Variants in OR8K5 observed in about 807,000 individuals in gnomAD.
OR8K5 encodes olfactory receptor family 8 subfamily K member 5.
For missense variants in OR8K5, 433 were observed against 363.9 expected, an observed-to-expected ratio of 1.19 and a Z score of -1.54; for synonymous variants, 154 against 133.7, an observed-to-expected ratio of 1.15 and a Z score of -1.05.
In OR8K5 at chr11:56,159,792, GACTGATGAC is replaced by G. The variant is rs765265830; in HGVS notation, c.517_525del (p.Val173_Ser175del). 3 of 1,614,010 alleles carry G rather than the reference GACTGATGAC, an allele frequency of 1.9e-6. No homozygotes were observed. The South Asian group carries it at 3.3e-5, about 18-fold the overall frequency. ...AAAGGAACATCATCACAGTAAAAAT[GACTGATGAC>G]ATTAGAGCCACAGAAGGTCAATGTA... On this transcript the variant is annotated inframe_deletion, in exon 1 of 1. Transcript: ENST00000313447.
Position 56,160,044 on chromosome 11 carries a change from T to C in OR8K5, c.274A>G (p.Ile92Val). 1 of 1,613,962 alleles carries C rather than the reference T, an allele frequency of 6.2e-7. No individual in the cohort carries two copies. Among genetic ancestry groups the C allele is most frequent in the Non-Finnish European group, 8.5e-7 (1 of 1,179,946 alleles). ...TGTGCAGCACATGCATAATAGGAAA[T>C]AGTATTTCGATCCACAACAAAATTT... ...LANFVVDRNTISYYACAAQLA... is the reference protein window; with the variant it reads ...LANFVVDRNTVSYYACAAQLA... The change falls in exon 1 of 1, where the codon ATT (isoleucine) becomes GTT (valine). Residue 92 changes from isoleucine (I) to valine (V), a missense_variant. Ile to Val is a conservative substitution (Grantham distance 29). Coordinates refer to ENST00000313447, the MANE Select transcript of OR8K5 (RefSeq NM_001004058.2).
At position 56,160,167 on chromosome 11, in the gene OR8K5, GT is replaced by G; in HGVS notation, c.150del (p.Lys50AsnfsTer108). On this transcript the variant is annotated frameshift_variant, in exon 1 of 1. Coordinates refer to ENST00000313447, the MANE Select transcript of OR8K5 (RefSeq NM_001004058.2). LOFTEE classifies it low-confidence loss of function (END_TRUNC). ...VGNLTMIILT[K>X]LDSHLHTPMY... is the part of the protein sequence containing the mutation. ...ATAGGTGTATGTAAGTGGGAGTCCAGTTTGGTCAAAATGATCATAGTTAGGT... is the reference window on the plus strand; with the variant it reads ...ATAGGTGTATGTAAGTGGGAGTCCAGTTGGTCAAAATGATCATAGTTAGGT... The G allele has an allele frequency of 1.9e-6, 3 of 1,614,124 alleles. No homozygotes were observed. The highest frequency in any genetic ancestry group is 2.5e-6 in the Non-Finnish European group (3 of 1,179,962).
At position 56,159,506 on chromosome 11, in the gene OR8K5, T is replaced by C. The variant is rs747843505; in HGVS notation, c.812A>G (p.Asp271Gly). 2 of 1,613,724 alleles carry C rather than the reference T, an allele frequency of 1.2e-6. No homozygotes were observed. Among genetic ancestry groups the C allele is most frequent in the African/African-American group, 2.7e-5 (2 of 74,890 alleles). Residue 271 changes from aspartate (D) to glycine (G), a missense_variant, in exon 1 of 1, where the codon GAT becomes GGT. Asp to Gly is a moderately conservative substitution (Grantham distance 94). Transcript: ENST00000313447. Reference protein sequence around the residue: ...QPNSTHFFDTDKMASVFYTLV... With the variant: ...QPNSTHFFDTGKMASVFYTLV... ...AGTGTAAAACACAGAAGCCATTTTA[T>C]CAGTATCAAAGAAGTGAGTGGAATT...
rs773431761 is a variant in OR8K5, at chr11:56,159,557, GACCCATAGA to G, written c.752_760del (p.Phe251_Gly253del). 6.2e-7 allele frequency: 1 copy of G among 1,613,928 alleles called. No homozygotes were observed. Among genetic ancestry groups the G allele is most frequent in the African/African-American group, 1.3e-5 (1 of 74,902 alleles). On this transcript the variant is annotated inframe_deletion, in exon 1 of 1. Coordinates refer to ENST00000313447, the MANE Select transcript of OR8K5 (RefSeq NM_001004058.2). ...GGGCTGCATGTACATGAAGAGTAGA[GACCCATAGA>G]ACACAACCACCACTGTCAAATGGGA...
Position 56,160,014 on chromosome 11 carries a change from C to T in OR8K5, c.304G>A (p.Ala102Thr). ...ISYYACAAQL[A>T]FFLMFIISEF... is the part of the protein sequence containing the mutation. Reference sequence around the variant, plus strand: ...CTGATAATGAACATAAGGAAGAATGCCAGCTGTGCAGCACATGCATAATAG... The same window carrying T: ...CTGATAATGAACATAAGGAAGAATGTCAGCTGTGCAGCACATGCATAATAG... Residue 102 changes from alanine (A) to threonine (T), a missense_variant, in exon 1 of 1, where the codon GCA becomes ACA. Physicochemically the swap from Ala to Thr is moderately conservative, Grantham distance 58 (BLOSUM62 0). Coordinates refer to ENST00000313447, the MANE Select transcript of OR8K5 (RefSeq NM_001004058.2). 1 of 1,614,020 alleles carries T rather than the reference C, an allele frequency of 6.2e-7. No individual in the cohort carries two copies. The highest frequency in any genetic ancestry group is 8.5e-7 in the Non-Finnish European group (1 of 1,179,938).
chr11:56,159,700 AT>A lies in OR8K5; in HGVS notation c.617del (p.Asn206IlefsTer2). On this transcript the variant is annotated frameshift_variant, in exon 1 of 1. Coordinates refer to ENST00000313447, the MANE Select transcript of OR8K5 (RefSeq NM_001004058.2). LOFTEE classifies it low-confidence loss of function (END_TRUNC). The part of the protein sequence containing the change: ...ELLSILFSVF[N>X]LISSFLIVLV... ...AGACTATCAGAAAGGAGGAGATCAAATTAAATACAGAAAATAGTATGCTCAA... is the reference window on the plus strand; with the variant it reads ...AGACTATCAGAAAGGAGGAGATCAAATAAATACAGAAAATAGTATGCTCAA... 6.2e-7 allele frequency: 1 copy of A among 1,613,972 alleles called. No individual in the cohort carries two copies. The highest frequency in any genetic ancestry group is 1.3e-5 in the African/African-American group (1 of 75,062).
chr11:56,159,897 A>G lies in OR8K5; in HGVS notation c.421T>C (p.Cys141Arg), dbSNP rs1854537947. Residue 141 changes from cysteine (C) to arginine (R), a missense_variant, in exon 1 of 1, where the codon TGT becomes CGT. Cys to Arg is a radical substitution (Grantham distance 180). Coordinates refer to ENST00000313447, the MANE Select transcript of OR8K5 (RefSeq NM_001004058.2). ...TATTGAATGCCCACCAGTACATGAC[A>G]CAGTCGCTGAGACATAATAACATAA... ...LYYVIMSQRL[C>R]HVLVGIQYLY... The G allele has an allele frequency of 6.2e-7, 1 of 1,614,034 alleles. No individual in the cohort carries two copies. The highest frequency in any genetic ancestry group is 8.5e-7 in the Non-Finnish European group (1 of 1,179,986).
In OR8K5 at chr11:56,160,194, T is replaced by C; in HGVS notation, c.124A>G (p.Asn42Asp). 1 of 1,613,966 alleles carries C rather than the reference T, an allele frequency of 6.2e-7. No individual in the cohort carries two copies. The highest frequency in any genetic ancestry group is 8.5e-7 in the Non-Finnish European group (1 of 1,179,862). Residue 42 changes from asparagine (N) to aspartate (D), a missense_variant, in exon 1 of 1, where the codon AAC becomes GAC. Asn to Asp is a conservative substitution (Grantham distance 23, BLOSUM62 1). Transcript: ENST00000313447. ...TTGGTCAAAATGATCATAGTTAGGT[T>C]GCCCACCACTGTGATTAGGTAGATG... ...LVIYLITVVG[N>D]LTMIILTKLD...
rs201567440 is a variant in OR8K5, at chr11:56,159,801, C to T, written c.517G>A (p.Val173Ile). 4.2e-5 allele frequency: 67 copies of T among 1,613,886 alleles called. No homozygotes were observed. Among genetic ancestry groups the T allele is most frequent in the Non-Finnish European group, 5.3e-5 (62 of 1,179,968 alleles). Reference sequence around the variant, plus strand: ...TCATCACAGTAAAAATGACTGATGACATTAGAGCCACAGAAGGTCAATGTA... The same window carrying T: ...TCATCACAGTAAAAATGACTGATGATATTAGAGCCACAGAAGGTCAATGTA... The part of the protein sequence containing the change: ...IFTLTFCGSN[V>I]ISHFYCDDVP... The change falls in exon 1 of 1, where the codon GTC becomes ATC. Residue 173 changes from valine to isoleucine, a missense_variant. Val to Ile is a conservative substitution (Grantham distance 29, BLOSUM62 3). Transcript: ENST00000313447.
chr11:56,160,081 G>C lies in OR8K5; in HGVS notation c.237C>G (p.Pro79=). ...VDLGNSTVIC[P]KVLANFVVDR... is the part of the protein sequence containing the mutation. ...CCACAACAAAATTTGCCAGCACCTT[G>C]GGACAAATGACAGTAGAATTACCAA... is the stretch of plus-strand genomic sequence containing the variant. Residue 79 remains proline (P), a synonymous_variant, in exon 1 of 1, where the codon CCC becomes CCG. Coordinates refer to ENST00000313447, the MANE Select transcript of OR8K5 (RefSeq NM_001004058.2). The C allele has an allele frequency of 6.2e-7, 1 of 1,613,920 alleles. No homozygotes were observed. Among genetic ancestry groups the C allele is most frequent in the Non-Finnish European group, 8.5e-7 (1 of 1,179,858 alleles).
rs1301732631 is a variant in OR8K5, at chr11:56,159,665, T to C, written c.653A>G (p.Tyr218Cys). 2 of 1,613,824 alleles carry C rather than the reference T, an allele frequency of 1.2e-6. No individual in the cohort carries two copies. Among genetic ancestry groups the C allele is most frequent in the Non-Finnish European group, 1.7e-6 (2 of 1,179,850 alleles). Residue 218 changes from tyrosine to cysteine, a missense_variant, in exon 1 of 1, where the codon TAC becomes TGC. Transcript: ENST00000313447. ...ISSFLIVLVS[Y>C]MLILLAICQM... ...ACATATAGCTAACAAAATCAACATG[T>C]AGGACACTAAGACTATCAGAAAGGA...
Position 56,160,243 on chromosome 11 carries a change from A to T in OR8K5, c.75T>A (p.Ile25=). ...MELTRRPELQ[I]PLFGVFLVIY... ...TGACGAGGAAGACTCCAAAAAGGGG[A>T]ATCTGCAGCTCAGGCCGCCTTGTGA... is the stretch of plus-strand genomic sequence containing the variant. The change falls in exon 1 of 1, where the codon ATT becomes ATA. Residue 25 remains isoleucine (I), a synonymous_variant. Coordinates refer to ENST00000313447, the MANE Select transcript of OR8K5 (RefSeq NM_001004058.2). 1 of 1,614,054 alleles carries T rather than the reference A, an allele frequency of 6.2e-7. No homozygotes were observed.
chr11:56,160,206 T>C lies in OR8K5; in HGVS notation c.112A>G (p.Thr38Ala). Residue 38 changes from threonine to alanine, a missense_variant, in exon 1 of 1, where the codon ACA becomes GCA. Transcript: ENST00000313447. ...ATCATAGTTAGGTTGCCCACCACTGTGATTAGGTAGATGACGAGGAAGACT... is the reference window on the plus strand; with the variant it reads ...ATCATAGTTAGGTTGCCCACCACTGCGATTAGGTAGATGACGAGGAAGACT... Reference protein sequence around the residue: ...FGVFLVIYLITVVGNLTMIIL... With the variant: ...FGVFLVIYLIAVVGNLTMIIL... 6.2e-7 allele frequency: 1 copy of C among 1,613,964 alleles called. No individual in the cohort carries two copies. Among genetic ancestry groups the C allele is most frequent in the Non-Finnish European group, 8.5e-7 (1 of 1,179,920 alleles).
Position 56,159,938 on chromosome 11 carries a change from C to A in OR8K5, c.380G>T (p.Cys127Phe), listed in dbSNP as rs1340747776. 1 of 1,613,902 alleles carries A rather than the reference C, an allele frequency of 6.2e-7. No individual in the cohort carries two copies. Among genetic ancestry groups the A allele is most frequent in the African/African-American group, 1.3e-5 (1 of 74,880 alleles). The change falls in exon 1 of 1, where the codon TGT becomes TTT. Residue 127 changes from cysteine to phenylalanine, a missense_variant. Physicochemically the swap from Cys to Phe is radical, Grantham distance 205. Transcript: ENST00000313447. ...AMAYDRYVAI[C>F]NPLLYYVIMS... ...AATAACATAATAGAGCAGAGGGTTA[C>A]AAATGGCCACATAGCGGTCATAGGC...
chr11:56,160,112 A>T lies in OR8K5; in HGVS notation c.206T>A (p.Val69Asp), dbSNP rs1485479266. 1.2e-6 allele frequency: 2 copies of T among 1,614,152 alleles called. No individual in the cohort carries two copies. The change falls in exon 1 of 1, where the codon GTT (valine) becomes GAT (aspartate). Residue 69 changes from valine to aspartate, a missense_variant. Transcript: ENST00000313447. ...AATGACAGTAGAATTACCAAGATCA[A>T]CAAAAGCCAAATGTCTGATAGAAAA... The part of the protein sequence containing the change: ...MYFSIRHLAF[V>D]DLGNSTVICP...
At position 56,159,950 on chromosome 11, in the gene OR8K5, T is replaced by C. The variant is rs1854538731; in HGVS notation, c.368A>G (p.Tyr123Cys). 12 of 1,613,958 alleles carry C rather than the reference T, an allele frequency of 7.4e-6. No individual in the cohort carries two copies. The highest frequency in any genetic ancestry group is 1.0e-5 in the Non-Finnish European group (12 of 1,179,868). Residue 123 changes from tyrosine to cysteine, a missense_variant, in exon 1 of 1, where the codon TAT becomes TGT. By Grantham distance (194) the Tyr-to-Cys change is radical. Coordinates refer to ENST00000313447, the MANE Select transcript of OR8K5 (RefSeq NM_001004058.2). ...FILSAMAYDR[Y>C]VAICNPLLYY... is the part of the protein sequence containing the mutation. The stretch of plus-strand genomic sequence containing the variant: ...GAGCAGAGGGTTACAAATGGCCACA[T>C]AGCGGTCATAGGCCATGGCTGACAG...
Position 56,159,426 on chromosome 11 carries a change from T to C in OR8K5, c.892A>G (p.Lys298Glu), listed in dbSNP as rs776333511. 2 of 1,609,184 alleles carry C rather than the reference T, an allele frequency of 1.2e-6. No homozygotes were observed. Among genetic ancestry groups the C allele is most frequent in the Non-Finnish European group, 1.7e-6 (2 of 1,177,936 alleles). The stretch of plus-strand genomic sequence containing the variant: ...TCAAAGAGCTTATAGAAGGCATTTT[T>C]CACCTCTTCGTTTCTTAAGCTGTAA... ...LIYSLRNEEV[K>E]NAFYKLFEN Residue 298 changes from lysine to glutamate, a missense_variant, in exon 1 of 1, where the codon AAA becomes GAA. Lys to Glu is a moderately conservative substitution (Grantham distance 56). Transcript: ENST00000313447.
Position 56,159,870 on chromosome 11 carries a change from G to T in OR8K5, c.448C>A (p.Leu150Ile). Residue 150 changes from leucine (L) to isoleucine (I), a missense_variant, in exon 1 of 1, where the codon CTC (leucine) becomes ATC (isoleucine). Transcript: ENST00000313447. The stretch of plus-strand genomic sequence containing the variant: ...ATCAGAGCCTGAAATGTGCTGTAGA[G>T]ATATTGAATGCCCACCAGTACATGA... ...LCHVLVGIQY[L>I]YSTFQALMFT... The T allele has an allele frequency of 6.2e-7, 1 of 1,613,948 alleles. No homozygotes were observed. The highest frequency in any genetic ancestry group is 8.5e-7 in the Non-Finnish European group (1 of 1,179,876).
Position 56,159,470 on chromosome 11 carries a change from G to C in OR8K5, c.848C>G (p.Pro283Arg). ...MASVFYTLVIPMLNPLIYSLR... is the reference protein window; with the variant it reads ...MASVFYTLVIRMLNPLIYSLR... ...GCTGTAAATCAAAGGGTTAAGCATG[G>C]GGATTACTAAAGTGTAAAACACAGA... Residue 283 changes from proline to arginine, a missense_variant, in exon 1 of 1, where the codon CCC (proline) becomes CGC (arginine). By Grantham distance (103) the Pro-to-Arg change is moderately radical. Coordinates refer to ENST00000313447, the MANE Select transcript of OR8K5 (RefSeq NM_001004058.2). The C allele has an allele frequency of 6.2e-7, 1 of 1,613,696 alleles. No individual in the cohort carries two copies. Among genetic ancestry groups the C allele is most frequent in the Non-Finnish European group, 8.5e-7 (1 of 1,179,728 alleles).
Sources: allele counts gnomAD v4.1 joint callset, GRCh38; gene constraint gnomAD v4.1.1; transcripts MANE v1.5; gene names NCBI Gene and HGNC (gene_info 2026-07-23, HGNC 2026-07-21).